Variants in TECPR1 observed in about 807,000 individuals in gnomAD.
The protein encoded by TECPR1 is tectonin beta-propeller repeat containing 1.
Under a neutral mutation model 162.4 loss-of-function variants are expected in TECPR1, and 122 were observed. The observed-to-expected ratio is 0.75, with a 90% CI of 0.65 to 0.87. The LOEUF is 0.87. Ranked by LOEUF, TECPR1 falls within the 40% of genes least tolerant of loss-of-function variation. The probability of loss-of-function intolerance (pLI) is 0.00; values close to 1 mark genes in which losing one functional copy is unlikely to be tolerated. For synonymous variants in TECPR1, 642 were observed against 670.6 expected (o/e 0.96, Z 0.66); for missense variants, 1,432 against 1,618.2 (o/e 0.88, Z 1.97).
At chr7:98,229,843 G>A (rs1423708930) in intron 15 of TECPR1, among the ~76,000 whole-genome samples, 4 of 152,126 alleles carry the variant, frequency 2.6e-5, no homozygotes, top group Admixed American at 2.6e-4. Flanking sequence ...GGGTAATGAA[G>A]CCCAGGACCT....
At chr7:98,221,217 G>C (rs931346274) in intron 23 of TECPR1, among the ~76,000 whole-genome samples, 1 of 152,016 alleles carries the variant, frequency 6.6e-6, no homozygotes, top group African/African-American at 2.4e-5. Flanking sequence ...CAGGAGAATC[G>C]CTTGAACTCA....
At chr7:98,223,285 G>A in intron 20 of TECPR1, 115 bp from the exon 21 acceptor site, 1 of 1,062,474 alleles carries the variant, frequency 9.4e-7, no homozygotes, top group Non-Finnish European at 1.3e-6. Flanking sequence ...CGGGTAGAAA[G>A]AGGGGCCCAG....
In TECPR1 at chr7:98,238,604, A is replaced by G; in HGVS notation, c.940T>C (p.Phe314Leu). The change falls in exon 9 of 26, where the codon TTC (phenylalanine) becomes CTC (leucine). Residue 314 changes from phenylalanine (F) to leucine (L), a missense_variant. Coordinates refer to ENST00000447648, the MANE Select transcript of TECPR1 (RefSeq NM_015395.3). ...WAVTKDWKVW[F>L]RRGVNSHNPC... ...TTGTGAGAGTTGACGCCTCTTCGGA[A>G]CCACACCTGGGGGAGTCAGAAATAA... is the stretch of plus-strand genomic sequence containing the variant. 1 of 1,564,634 alleles carries G rather than the reference A, an allele frequency of 6.4e-7. No individual in the cohort carries two copies. Among genetic ancestry groups the G allele is most frequent in the Non-Finnish European group, 8.7e-7 (1 of 1,154,566 alleles).
At chr7:98,229,295 C>G (rs984978826) in intron 15 of TECPR1, 129 bp from the exon 16 acceptor site, 36 of 1,232,898 alleles carry the variant, frequency 2.9e-5, no homozygotes, top group Non-Finnish European at 4.0e-5. Context: ...CAAGCACAGA[C>G]CATCCACCCT....
Position 98,222,456 on chromosome 7 carries a change from G to T in TECPR1, c.2994C>A (p.Tyr998Ter). 6.3e-7 allele frequency: 1 copy of T among 1,596,098 alleles called. No homozygotes were observed. The highest frequency in any genetic ancestry group is 1.3e-5 in the African/African-American group (1 of 74,774). The change falls in exon 22 of 26, where the codon TAC becomes TAA. Residue 998 changes from tyrosine (Y) to a stop codon, truncating the protein, a stop_gained. Coordinates refer to ENST00000447648, the MANE Select transcript of TECPR1 (RefSeq NM_015395.3). LOFTEE classifies it high-confidence loss of function. ...CGTCCCTTGCCACGGCCCACACCTG[G>T]TAGCAGGCCCCGATGGAGATGGAGG... Reference protein sequence around the residue: ...PFASISIGACYQVWAVARDGS... With the variant: ...PFASISIGAC
Position 98,217,384 on chromosome 7 carries a change from G to C in TECPR1, c.*6C>G, listed in dbSNP as rs1266645248. 6.5e-7 allele frequency: 1 copy of C among 1,540,882 alleles called. No individual in the cohort carries two copies. On this transcript the variant is annotated 3_prime_UTR_variant, in exon 26 of 26. Coordinates refer to ENST00000447648, the MANE Select transcript of TECPR1 (RefSeq NM_015395.3). ...CCGTCCCTGCATGTAGGTGTGTGGG[G>C]GGGCCTCAGCAGCAGACGGGGCCAT...
At chr7:98,221,291 A>G (rs767001396) in intron 23 of TECPR1, among the ~76,000 whole-genome samples, 13 of 152,104 alleles carry the variant, frequency 8.5e-5, no homozygotes, top group Non-Finnish European at 1.0e-4. Context: ...GACAAGAGCG[A>G]AACTCCATCT....
rs1328785897 is a variant in TECPR1, at chr7:98,217,368, C to A, written c.*22G>T. ...TCCCCCAAACTGGGCACCGTCCCTG[C>A]ATGTAGGTGTGTGGGGGGGCCTCAG... On this transcript the variant is annotated 3_prime_UTR_variant, in exon 26 of 26. Coordinates refer to ENST00000447648, the MANE Select transcript of TECPR1 (RefSeq NM_015395.3). The A allele has an allele frequency of 4.2e-6, 6 of 1,433,738 alleles. No homozygotes were observed. Among genetic ancestry groups the A allele is most frequent in the Non-Finnish European group, 5.7e-6 (6 of 1,045,570 alleles). The allele number at this position is 1,433,738 out of a possible 1,614,324, so 88.8% of individuals were successfully genotyped here.
chr7:98,244,362 C>T (rs1439782301), intron 5 of TECPR1, among the ~76,000 whole-genome samples: 2 of 152,222 alleles, frequency 1.3e-5, no homozygotes, highest in African/African-American at 4.8e-5. Flanking sequence ...CTGTCCTGGG[C>T]CTGGCCTGGC....
rs867726583 is a variant in TECPR1, at chr7:98,225,041, C to T, written c.2575G>A (p.Ala859Thr). The stretch of plus-strand genomic sequence containing the variant: ...TGCAGGGACGGGGGCTTCGTGCCAG[C>T]CTTCGTGCACTCCTGCAGCCCCGAG... ...DASGLQECTKAGTKPPSLQWA... is the reference protein window; with the variant it reads ...DASGLQECTKTGTKPPSLQWA... The change falls in exon 18 of 26, where the codon GCT becomes ACT. Residue 859 changes from alanine (A) to threonine (T), a missense_variant. Coordinates refer to ENST00000447648, the MANE Select transcript of TECPR1 (RefSeq NM_015395.3). 5 of 1,559,844 alleles carry T rather than the reference C, an allele frequency of 3.2e-6. 1 individual carries two copies. The highest frequency in any genetic ancestry group is 2.7e-5 in the African/African-American group (2 of 73,376).
At chr7:98,237,355 G>A (rs1296437912) in intron 9 of TECPR1, among the ~76,000 whole-genome samples, 1 of 152,128 alleles carries the variant, frequency 6.6e-6, no homozygotes, top group East Asian at 1.9e-4. Context: ...GTGCAATGAC[G>A]CAGTCTTGGC....
intron 4 of TECPR1, 93 bp downstream of exon 4, chr7:98,244,792 C>T (rs1267577868): frequency 6.3e-7 from 1 of 1,582,706 alleles, no homozygotes; most frequent in Non-Finnish European, 8.6e-7. Flanking sequence ...CACCCGAGCT[C>T]AGGCACCACA....
At chr7:98,250,057 AC>A (rs1584364398) in intron 2 of TECPR1, among the ~76,000 whole-genome samples, 3 of 152,306 alleles carry the variant, frequency 2.0e-5, no homozygotes, top group South Asian at 2.1e-4. Flanking sequence ...CCTCCAACAC[AC>A]TGCCAACTCC....
intron 16 of TECPR1, 95 bp from the exon 17 acceptor site, chr7:98,228,211 G>GA: frequency 9.9e-7 from 1 of 1,010,688 alleles, no homozygotes; most frequent in Non-Finnish European, 1.5e-6. Flanking sequence ...GAGAGACGGG[G>GA]AGGGCGGGCT....
chr7:98,231,787 G>A lies in TECPR1; in HGVS notation c.1974+17C>T, dbSNP rs773024693. 6.2e-7 allele frequency: 1 copy of A among 1,606,962 alleles called. No homozygotes were observed. Among genetic ancestry groups the A allele is most frequent in the Non-Finnish European group, 8.5e-7 (1 of 1,176,146 alleles). ...TGTCCCCTCCCTGGCCCCATCTCCT[G>A]TGGGACCCGTGGGCACCTTCTTCTC... On this transcript the variant is annotated intron_variant, in intron 13 of 25. Coordinates refer to ENST00000447648, the MANE Select transcript of TECPR1 (RefSeq NM_015395.3).
At chr7:98,224,314 C>T (rs913128059) in intron 19 of TECPR1, among the ~76,000 whole-genome samples, 2 of 152,198 alleles carry the variant, frequency 1.3e-5, no homozygotes, top group African/African-American at 2.4e-5. Context: ...TCCAGGGCCT[C>T]GTGACAGCCA....
intron 8 of TECPR1, among the ~76,000 whole-genome samples, chr7:98,239,882 G>A (rs887127578): frequency 1.3e-4 from 20 of 152,034 alleles, no homozygotes; most frequent in East Asian, 3.9e-4. Context: ...AGGCTGAGGC[G>A]GGCGGATCAT....
chr7:98,224,799 A>T lies in TECPR1; in HGVS notation c.2690+2T>A. 6.3e-7 allele frequency: 1 copy of T among 1,579,950 alleles called. No individual in the cohort carries two copies. The highest frequency in any genetic ancestry group is 8.6e-7 in the Non-Finnish European group (1 of 1,163,704). On this transcript the variant is annotated splice_donor_variant, in intron 19 of 25. Coordinates refer to ENST00000447648, the MANE Select transcript of TECPR1 (RefSeq NM_015395.3). LOFTEE classifies it high-confidence loss of function. ...GAAGGCCCTGTGCAGGGAGAGGCTT[A>T]CGCAGGGAAGTCGCTGGCATACTGC... is the stretch of plus-strand genomic sequence containing the variant.
chr7:98,251,862 C>G (rs935905057), intron 1 of TECPR1: 2 of 152,348 alleles, frequency 1.3e-5, no homozygotes, highest in Non-Finnish European at 2.9e-5. Context: ...ATCCGCTTCT[C>G]CTATGGCTCC....
Sources: gnomAD v4.1 joint callset for allele counts (sites outside exome capture counted in the v4.1 genomes callset) on GRCh38, gnomAD v4.1.1 for gene constraint, MANE v1.5 for transcripts, NCBI Gene and HGNC (gene_info 2026-07-23, HGNC 2026-07-21) for gene names.